MEIS2: variants seen among roughly 807,000 people sequenced by gnomAD.
MEIS2 encodes homeobox protein Meis2.
Under a neutral mutation model 58.6 loss-of-function variants are expected in MEIS2, and 9 were observed. The ratio of observed to expected loss-of-function variants is 0.15; its 90% CI spans 0.09 to 0.27. The LOEUF (loss-of-function observed/expected upper bound fraction) is 0.27, where lower values mean the gene tolerates loss of function less well. MEIS2 is among the 10% of genes least tolerant of loss of function. The probability of loss-of-function intolerance (pLI) is 1.00; values close to 1 mark genes in which losing one functional copy is unlikely to be tolerated. For missense variants in MEIS2, 427 were observed against 635.0 expected (o/e 0.67, Z 3.52); for synonymous variants, 221 against 228.4 (o/e 0.97, Z 0.29).
At chr15:36,929,989 G>A (rs1287588506) in intron 9 of MEIS2, among the ~76,000 whole-genome samples, 1 of 152,004 alleles carries the variant, frequency 6.6e-6, no homozygotes, top group Admixed American at 6.5e-5. Flanking sequence ...GATCAGCTGA[G>A]GTCAGGAGTT....
intron 8 of MEIS2, among the ~76,000 whole-genome samples, chr15:36,984,663 G>A (rs12902534): frequency 0.29 from 44,029 of 152,046 alleles, 7,193 homozygotes; most frequent in Middle Eastern, 0.5. Flanking sequence ...GAGAAGGACT[G>A]GTGTTAATTC....
chr15:36,999,353 C>A (rs1161986045), intron 8 of MEIS2, among the ~76,000 whole-genome samples: 1 of 152,178 alleles, frequency 6.6e-6, no homozygotes, highest in East Asian at 1.9e-4. Context: ...TTAATTTACT[C>A]ATAGTAAACC....
At chr15:37,045,502 G>T (rs1052029123) in intron 7 of MEIS2, among the ~76,000 whole-genome samples, 6 of 152,160 alleles carry the variant, frequency 3.9e-5, no homozygotes, top group African/African-American at 1.2e-4. Flanking sequence ...AGAAGAAGAA[G>T]AAGCTTTTGC....
At chr15:36,894,649 A>G in intron 11 of MEIS2, 1 of 1,322,302 alleles carries the variant, frequency 7.6e-7, no homozygotes, top group Admixed American at 1.9e-5. Flanking sequence ...AAATGGGGGC[A>G]AATTATAAAA....
intron 8 of MEIS2, among the ~76,000 whole-genome samples, chr15:37,005,667 G>T (rs1403546): frequency 6.6e-6 from 1 of 151,976 alleles, no homozygotes; most frequent in Non-Finnish European, 1.5e-5. Flanking sequence ...GAGATCCTCC[G>T]CCTCTCAGCC....
At chr15:36,956,314 T>C (rs1159762596) in intron 8 of MEIS2, among the ~76,000 whole-genome samples, 1 of 151,854 alleles carries the variant, frequency 6.6e-6, no homozygotes, top group Non-Finnish European at 1.5e-5. Context: ...GTCATATAAA[T>C]TGGCTTTGGT....
chr15:36,969,574 A>G (rs897550970), intron 8 of MEIS2, among the ~76,000 whole-genome samples: 3 of 152,242 alleles, frequency 2.0e-5, no homozygotes, highest in African/African-American at 7.2e-5. Flanking sequence ...AAAATTTGAA[A>G]TAAATAATAT....
chr15:36,895,367 T>C (rs577477147), intron 10 of MEIS2, 106 bp from the exon 11 acceptor site: 78 of 932,218 alleles, frequency 8.4e-5, no homozygotes, highest in African/African-American at 1.5e-4. Context: ...AACAATGTGG[T>C]TGGCACTCTA....
At chr15:36,996,625 T>TTCTTTCTTA (rs2060530475) in intron 8 of MEIS2, among the ~76,000 whole-genome samples, 1 of 152,196 alleles carries the variant, frequency 6.6e-6, no homozygotes, top group Non-Finnish European at 1.5e-5. Context: ...AAGGCACTGT[T>TTCTTTCTTA]TCTTTCTTAG....
chr15:36,959,832 T>TA (rs2059120506), intron 8 of MEIS2, among the ~76,000 whole-genome samples: 1 of 152,166 alleles, frequency 6.6e-6, no homozygotes, highest in African/African-American at 2.4e-5. Context: ...AAGGGATTGC[T>TA]TTAAAACAAG....
intron 9 of MEIS2, among the ~76,000 whole-genome samples, chr15:36,946,269 TG>T (rs1400212513): frequency 6.6e-6 from 1 of 151,946 alleles, no homozygotes; most frequent in African/African-American, 2.4e-5. Flanking sequence ...CTTTGTCTTT[TG>T]TCAATAAATG....
intron 8 of MEIS2, among the ~76,000 whole-genome samples, chr15:36,983,057 G>A (rs1028301699): frequency 6.6e-6 from 1 of 152,044 alleles, no homozygotes; most frequent in Non-Finnish European, 1.5e-5. Context: ...TATCTCATCA[G>A]CTGTGTGGTT....
At chr15:36,995,977 A>ATATATATATATATATATATATATATG (rs2060488285) in intron 8 of MEIS2, among the ~76,000 whole-genome samples, 1 of 29,950 alleles carries the variant, frequency 3.3e-5, no homozygotes, top group African/African-American at 7.0e-5. Context: ...ATATATATAT[A>ATATATATATATATATATATATATATG]TATATATATA....
At chr15:36,941,234 C>A (rs1449647007) in intron 9 of MEIS2, among the ~76,000 whole-genome samples, 1 of 152,152 alleles carries the variant, frequency 6.6e-6, no homozygotes, top group Non-Finnish European at 1.5e-5. Flanking sequence ...CCCTAACTAA[C>A]CCAGCCTCAG....
intron 8 of MEIS2, among the ~76,000 whole-genome samples, chr15:37,031,815 T>G (rs113344914): frequency 1.7e-4 from 23 of 134,208 alleles, no homozygotes; most frequent in African/African-American, 4.5e-4. Context: ...TTACATCACT[T>G]TGTGTGTGTG....
At chr15:37,013,815 T>C (rs1362307742) in intron 8 of MEIS2, among the ~76,000 whole-genome samples, 3 of 152,092 alleles carry the variant, frequency 2.0e-5, no homozygotes, top group Non-Finnish European at 4.4e-5. Context: ...CCATTTAACC[T>C]GGTTTCTTAA....
At chr15:36,917,505 T>TTTTTTTTTTTTTTTTTTTTTTTG (rs1385448328) in intron 9 of MEIS2, among the ~76,000 whole-genome samples, 1 of 152,200 alleles carries the variant, frequency 6.6e-6, no homozygotes, top group Non-Finnish European at 1.5e-5. Context: ...TCATCAGTTC[T>TTTTTTTTTTTTTTTTTTTTTTTG]AAGGGTTATA....
chr15:37,035,162 A>G (rs2062101133), intron 8 of MEIS2, among the ~76,000 whole-genome samples: 1 of 152,230 alleles, frequency 6.6e-6, no homozygotes. Context: ...ATCCGCAGCT[A>G]CACTGCCGTT....
chr15:37,023,907 C>T (rs569509906), intron 8 of MEIS2, among the ~76,000 whole-genome samples: 1 of 115,958 alleles, frequency 8.6e-6, no homozygotes, highest in African/African-American at 3.1e-5. Context: ...CTCCTTTTCT[C>T]TCTCTTTTTT....
Sources: gnomAD v4.1 joint callset for allele counts (sites outside exome capture counted in the v4.1 genomes callset) on GRCh38, gnomAD v4.1.1 for gene constraint, MANE v1.5 for transcripts, NCBI Gene and HGNC (gene_info 2026-07-23, HGNC 2026-07-21) for gene names.